BPTF: variants seen among roughly 807,000 people sequenced by gnomAD.
The protein encoded by BPTF is nucleosome-remodeling factor subunit BPTF.
BPTF carries 18 observed loss-of-function variants against 292.5 expected under a neutral mutation model. That is an observed-to-expected ratio of 0.06 (90% CI 0.04 to 0.09). The LOEUF (loss-of-function observed/expected upper bound fraction) is 0.09. Among genes scored for constraint, BPTF ranks in the 10% least tolerant of loss-of-function variants. BPTF has a pLI of 1.00. For missense variants in BPTF, 2,726 were observed against 3,498.7 expected, an observed-to-expected ratio of 0.78 and a Z score of 5.57; for synonymous variants, 1,225 against 1,251.9, an observed-to-expected ratio of 0.98 and a Z score of 0.45.
chr17:67,963,614 A>T (rs1480067041), intron 24 of BPTF: 1 of 1,131,944 alleles, frequency 8.8e-7, no homozygotes, highest in African/African-American at 1.6e-5. Flanking sequence ...TACATTTATT[A>T]TACACTTACA....
chr17:67,954,173 TG>T (rs2066703581), intron 23 of BPTF, among the ~76,000 whole-genome samples: 3 of 75,600 alleles, frequency 4.0e-5, no homozygotes, highest in Non-Finnish European at 8.3e-5. Context: ...AATTTTGGGG[TG>T]TTTTTTGTTG....
intron 11 of BPTF, 83 bp downstream of exon 11, chr17:67,913,270 G>A (rs1487169775): frequency 2.8e-5 from 41 of 1,457,874 alleles, no homozygotes; most frequent in Non-Finnish European, 3.7e-5. Context: ...TTTAAAAAAT[G>A]AGATAATAGA....
At chr17:67,918,201 G>C (rs935496384) in intron 11 of BPTF, among the ~76,000 whole-genome samples, 1 of 152,202 alleles carries the variant, frequency 6.6e-6, no homozygotes, top group Non-Finnish European at 1.5e-5. Flanking sequence ...CTCCCACAGT[G>C]CTGGGATTAC....
intron 5 of BPTF, 187 bp from the exon 6 acceptor site, chr17:67,893,183 T>A (rs1003253011): frequency 1.1e-4 from 66 of 597,070 alleles, no homozygotes; most frequent in Non-Finnish European, 1.9e-4. Flanking sequence ...CAGGCATATC[T>A]TGGTTGTTTA....
chr17:67,940,709 C>T lies in BPTF; in HGVS notation c.6477+53C>T, dbSNP rs939027626. The T allele has an allele frequency of 1.0e-4, 161 of 1,539,886 alleles. 3 individuals are homozygous for T. In the South Asian group the frequency reaches 1.2e-3, roughly 12 times the overall value. On this transcript the variant is annotated intron_variant, in intron 19 of 27. Transcript: ENST00000306378. Reference sequence around the variant, plus strand: ...TTAGAGGTGATCTTATTTATTCTTGCGGTAAGTTTAAAAACATGAACTTAT... The same window carrying T: ...TTAGAGGTGATCTTATTTATTCTTGTGGTAAGTTTAAAAACATGAACTTAT...
intron 1 of BPTF, among the ~76,000 whole-genome samples, chr17:67,838,950 ATTC>A (rs1362698676): frequency 6.6e-6 from 1 of 152,156 alleles, no homozygotes; most frequent in East Asian, 1.9e-4. Context: ...TTAGCCACCT[ATTC>A]TTTTTTCTAA....
chr17:67,904,655 G>A, intron 8 of BPTF, 47 bp from the exon 9 acceptor site: 1 of 1,406,946 alleles, frequency 7.1e-7, no homozygotes, highest in Non-Finnish European at 9.7e-7. Flanking sequence ...TGGTTTATAA[G>A]CATTGTTATT....
At chr17:67,945,343 G>A in intron 20 of BPTF, 66 bp from the exon 21 acceptor site, 1 of 1,543,152 alleles carries the variant, frequency 6.5e-7, no homozygotes, top group African/African-American at 1.4e-5. Flanking sequence ...ATTTCCTTCA[G>A]ATTCTTCTTT....
At chr17:67,944,062 T>C in intron 19 of BPTF, 88 bp from the exon 20 acceptor site, 1 of 966,294 alleles carries the variant, frequency 1.0e-6, no homozygotes, top group East Asian at 2.4e-5. Flanking sequence ...TATTAAAAGA[T>C]AATTACACAT....
At chr17:67,873,903 C>T (rs530836185) in intron 3 of BPTF, among the ~76,000 whole-genome samples, 1 of 152,018 alleles carries the variant, frequency 6.6e-6, no homozygotes, top group Non-Finnish European at 1.5e-5. Context: ...AACAAAGGCT[C>T]CTTGGAGAGA....
At chr17:67,890,200 C>A (rs374542465) in intron 4 of BPTF, among the ~76,000 whole-genome samples, 1 of 152,128 alleles carries the variant, frequency 6.6e-6, no homozygotes, top group South Asian at 2.1e-4. Flanking sequence ...ATACATCAAA[C>A]TTGCTTAAAA....
chr17:67,945,718 G>A lies in BPTF; in HGVS notation c.7010G>A (p.Gly2337Glu), dbSNP rs781816141. 1.9e-6 allele frequency: 3 copies of A among 1,614,118 alleles called. No homozygotes were observed. The highest frequency in any genetic ancestry group is 1.6e-4 in the Middle Eastern group (1 of 6,062). The change falls in exon 21 of 28, where the codon GGA becomes GAA. Residue 2337 changes from glycine to glutamate, a missense_variant. Physicochemically the swap from Gly to Glu is moderately conservative, Grantham distance 98. Around this residue, in one of 22 missense-constraint regions of BPTF, gnomAD observed 570 missense variants for 633.5 expected, o/e 0.90. Transcript: ENST00000306378. ...AQSQPQSNVQ[G>E]QSPVRVQSPS... ...TCTCAGCCTCAAAGTAATGTCCAAG[G>A]ACAGTCTCCTGTTCGTGTCCAAAGT...
At chr17:67,830,681 A>C (rs1370921342) in intron 1 of BPTF, among the ~76,000 whole-genome samples, 1 of 152,126 alleles carries the variant, frequency 6.6e-6, no homozygotes, top group African/African-American at 2.4e-5. Context: ...CTGATAGTAA[A>C]GTGTGGGCAG....
chr17:67,900,857 A>C (rs2061784787), intron 7 of BPTF, among the ~76,000 whole-genome samples: 1 of 151,742 alleles, frequency 6.6e-6, no homozygotes, highest in Non-Finnish European at 1.5e-5. Context: ...AAAAAAATTA[A>C]AATTGGCCAG....
chr17:67,918,092 C>T (rs1046488079), intron 11 of BPTF, among the ~76,000 whole-genome samples: 1 of 150,698 alleles, frequency 6.6e-6, no homozygotes, highest in Admixed American at 6.6e-5. Context: ...AGCCACCATG[C>T]CCGGCCCTAA....
intron 26 of BPTF, among the ~76,000 whole-genome samples, chr17:67,972,394 C>T (rs782408535): frequency 1.3e-5 from 2 of 152,134 alleles, no homozygotes; most frequent in South Asian, 4.2e-4. Flanking sequence ...CACCACCATA[C>T]CTACCCAGCT....
intron 7 of BPTF, among the ~76,000 whole-genome samples, chr17:67,896,484 A>G (rs1418230765): frequency 6.6e-6 from 1 of 151,274 alleles, no homozygotes; most frequent in Admixed American, 6.6e-5. Context: ...CCCAGTGCAC[A>G]TAGACCCCTT....
At chr17:67,888,650 T>G (rs1002695921) in intron 4 of BPTF, among the ~76,000 whole-genome samples, 2 of 151,744 alleles carry the variant, frequency 1.3e-5, no homozygotes, top group African/African-American at 2.4e-5. Context: ...CTTATCTTGA[T>G]CTCACAATCC....
intron 1 of BPTF, among the ~76,000 whole-genome samples, chr17:67,834,693 G>A (rs1409468561): frequency 3.9e-5 from 6 of 152,094 alleles, no homozygotes; most frequent in African/African-American, 1.4e-4. Context: ...AAGACATGGA[G>A]CTGAAATGGG....
Sources: allele counts gnomAD v4.1 joint callset (sites outside exome capture counted in the v4.1 genomes callset), GRCh38; gene constraint gnomAD v4.1.1; regional missense constraint gnomAD v4.1.1; transcripts MANE v1.5; gene names NCBI Gene and HGNC (gene_info 2026-07-23, HGNC 2026-07-21).